ASIC4: variants seen among roughly 807,000 people sequenced by gnomAD.
ASIC4 encodes acid sensing ion channel subunit family member 4, also known as acid-sensing ion channel 4.
ASIC4 carries 28 observed loss-of-function variants against 53.4 expected under a neutral mutation model. The ratio of observed to expected loss-of-function variants is 0.52; its 90% CI spans 0.39 to 0.72. The LOEUF (loss-of-function observed/expected upper bound fraction) is 0.72. Among genes scored for constraint, ASIC4 ranks in the 30% least tolerant of loss-of-function variants. The pLI, the probability that ASIC4 is intolerant of heterozygous loss-of-function variation, is 0.00. For synonymous variants in ASIC4, 289 were observed against 301.4 expected (o/e 0.96, Z 0.43); for missense variants, 649 against 729.7 (o/e 0.89, Z 1.27).
chr2:219,533,184 G>T, intron 5 of ASIC4: 1 of 572,520 alleles, frequency 1.7e-6, no homozygotes, highest in Non-Finnish European at 3.1e-6. Flanking sequence ...TGGGAGTGAA[G>T]GTCTGGGCTT....
At chr2:219,529,055 G>A (rs757912640) in intron 1 of ASIC4, among the ~76,000 whole-genome samples, 2 of 152,184 alleles carry the variant, frequency 1.3e-5, no homozygotes, top group African/African-American at 2.4e-5. Context: ...AGATCCCCCT[G>A]ATTTGTGTGC....
rs751485733 is a variant in ASIC4 at position 219,537,474 on chromosome 2, CAG to C, written c.1402-155_1402-154del. ...TGACTGGCTGGCAGGCCTGAGGGCT[CAG>C]AGTCAGGAGAAGGGGATGGGTGAGG... On this transcript the variant is annotated intron_variant, in intron 8 of 9. Coordinates refer to ENST00000358078, the MANE Select transcript of ASIC4 (RefSeq NM_018674.6). The surrounding 1 kb of genome is among the most constrained non-coding windows in gnomAD (Gnocchi z 4.9). 1 of 1,099,696 alleles carries C rather than the reference CAG, an allele frequency of 9.1e-7. No individual in the cohort carries two copies. Among genetic ancestry groups the C allele is most frequent in the East Asian group, 2.6e-5 (1 of 38,624 alleles). 68.1% of individuals were successfully genotyped at this position (1,099,696 alleles called of 1,614,324 possible).
upstream of ASIC4, among the ~76,000 whole-genome samples, chr2:219,511,122 A>G (rs1694696193): frequency 1.3e-5 from 2 of 152,008 alleles, no homozygotes; most frequent in Admixed American, 1.3e-4. The surrounding 1 kb of genome is among the most constrained non-coding windows in gnomAD (Gnocchi z 5.3). Flanking sequence ...AGGGGGAGGG[A>G]GGCTGGGCAT....
chr2:219,531,401 A>AGCT (rs1695039234), intron 1 of ASIC4, among the ~76,000 whole-genome samples: 2 of 151,970 alleles, frequency 1.3e-5, no homozygotes, highest in South Asian at 4.2e-4. Context: ...TCCCAGGACT[A>AGCT]GCTGTTGGCT....
At chr2:219,523,093 T>C (rs1163850885) in intron 1 of ASIC4, among the ~76,000 whole-genome samples, 1 of 151,274 alleles carries the variant, frequency 6.6e-6, no homozygotes, top group Non-Finnish European at 1.5e-5. Flanking sequence ...CCGCCGCCTC[T>C]TTCTGTCTTG....
Position 219,537,041 on chromosome 2 carries a change from G to A in ASIC4, c.1230-25G>A, listed in dbSNP as rs2105982216. 6.2e-7 allele frequency: 1 copy of A among 1,607,172 alleles called. No individual in the cohort carries two copies. Among genetic ancestry groups the A allele is most frequent in the Admixed American group, 1.7e-5 (1 of 59,948 alleles). Reference sequence around the variant, plus strand: ...CTTCTCAGGAAGAGAGGCCCACACGGATACCCTGCTTCCTGTCTCCACAGG... The same window carrying A: ...CTTCTCAGGAAGAGAGGCCCACACGAATACCCTGCTTCCTGTCTCCACAGG... On this transcript the variant is annotated intron_variant, in intron 6 of 9. Coordinates refer to ENST00000358078, the MANE Select transcript of ASIC4 (RefSeq NM_018674.6). This position sits in a 1 kb window ranked among gnomAD's most constrained non-coding sequence, Gnocchi z 4.9.
rs1390279200 is a variant in ASIC4 at position 219,515,090 on chromosome 2, C to A, written c.366C>A (p.Arg122=). Residue 122 remains arginine, a synonymous_variant, in exon 1 of 10, where the codon CGC becomes CGA. Coordinates refer to ENST00000358078, the MANE Select transcript of ASIC4 (RefSeq NM_018674.6). ...CTGTCACCCTCTGCAATATCAACCG[C>A]TTCCGGCATTCGGCACTCAGCGATG... The part of the protein sequence containing the change: ...FPAVTLCNIN[R]FRHSALSDAD... The A allele has an allele frequency of 6.2e-7, 1 of 1,613,934 alleles. No homozygotes were observed. Among genetic ancestry groups the A allele is most frequent in the Admixed American group, 1.7e-5 (1 of 60,016 alleles).
Position 219,537,987 on chromosome 2 carries a change from C to T in ASIC4, c.1561C>T (p.Pro521Ser). 1 of 1,613,212 alleles carries T rather than the reference C, an allele frequency of 6.2e-7. No individual in the cohort carries two copies. Among genetic ancestry groups the T allele is most frequent in the South Asian group, 1.1e-5 (1 of 90,808 alleles). ...GGGTGGGGGGGTCAGCAGTCTGCTC[C>T]CCAATCACCACCACCCCCACGGTCC... is the stretch of plus-strand genomic sequence containing the variant. ...VEGGGVSSLL[P>S]NHHHPHGPPG... The change falls in exon 10 of 10, where the codon CCC (proline) becomes TCC (serine). Residue 521 changes from proline (P) to serine (S), a missense_variant. Coordinates refer to ENST00000358078, the MANE Select transcript of ASIC4 (RefSeq NM_018674.6). The surrounding 1 kb of genome is among the most constrained non-coding windows in gnomAD (Gnocchi z 4.9).
At chr2:219,534,741 C>T (rs1226271795) in intron 5 of ASIC4, among the ~76,000 whole-genome samples, 1 of 151,940 alleles carries the variant, frequency 6.6e-6, no homozygotes, top group African/African-American at 2.4e-5. Flanking sequence ...CTTCTGTTCG[C>T]CCATCCGTCG....
At chr2:219,535,036 T>C in intron 5 of ASIC4, 135 bp from the exon 6 acceptor site, 1 of 1,320,304 alleles carries the variant, frequency 7.6e-7, no homozygotes, top group Non-Finnish European at 1.0e-6. Context: ...TAGGAAGCAC[T>C]GGGGCTGGCC....
Position 219,516,325 on chromosome 2 carries a change from G to A in ASIC4, c.582+1019G>A, listed in dbSNP as rs993188161. On this transcript the variant is annotated intron_variant, in intron 1 of 9. Coordinates refer to ENST00000358078, the MANE Select transcript of ASIC4 (RefSeq NM_018674.6). This position sits in a 1 kb window ranked among gnomAD's most constrained non-coding sequence, Gnocchi z 4.9. ...TGCTCCCCATTTGGAGACTGCTGGCGCCATCTGTCACCTACGTGTGAGCAC... is the reference window on the plus strand; with the variant it reads ...TGCTCCCCATTTGGAGACTGCTGGCACCATCTGTCACCTACGTGTGAGCAC... Among the ~76,000 whole-genome samples, 9 of 152,232 alleles carry A rather than the reference G, an allele frequency of 5.9e-5. No homozygotes were observed. The highest frequency in any genetic ancestry group is 2.1e-4 in the South Asian group (1 of 4,814).
upstream of ASIC4, chr2:219,514,153 A>G: frequency 1.5e-6 from 1 of 663,794 alleles, no homozygotes; most frequent in Admixed American, 3.3e-5. Flanking sequence ...GTGGCCAGGA[A>G]GTGGGGAGAT....
rs1381420445 is a variant in ASIC4 at position 219,537,792 on chromosome 2, T to C, written c.1506+56T>C. 6.4e-7 allele frequency: 1 copy of C among 1,552,144 alleles called. No individual in the cohort carries two copies. The highest frequency in any genetic ancestry group is 8.8e-7 in the Non-Finnish European group (1 of 1,138,242). ...GCAGCCACACCTCCCCAGGACTGAA[T>C]ACATCCATTGTTTCTGAACCAGCCT... is the stretch of plus-strand genomic sequence containing the variant. On this transcript the variant is annotated intron_variant, in intron 9 of 9. Coordinates refer to ENST00000358078, the MANE Select transcript of ASIC4 (RefSeq NM_018674.6). The surrounding 1 kb of genome is among the most constrained non-coding windows in gnomAD (Gnocchi z 4.9).
chr2:219,513,038 G>A (rs145665274), upstream of ASIC4, among the ~76,000 whole-genome samples: 269 of 152,328 alleles, frequency 1.8e-3, 1 homozygote, highest in African/African-American at 6.0e-3. Flanking sequence ...CAGGCCTGAC[G>A]CAGGGGGCGG....
chr2:219,535,023 C>A, intron 5 of ASIC4, 148 bp from the exon 6 acceptor site: 1 of 1,228,204 alleles, frequency 8.1e-7, no homozygotes, highest in East Asian at 2.4e-5. Flanking sequence ...AGCCAGTCCC[C>A]TCTAGGAAGC....
chr2:219,508,825 G>A, the ASIC4 span, among the ~76,000 whole-genome samples: 2 of 150,720 alleles, frequency 1.3e-5, no homozygotes, highest in South Asian at 2.1e-4. Flanking sequence ...AGCGGGGGAG[G>A]GATGCGGGGG....
At chr2:219,529,824 G>A (rs980734137) in intron 1 of ASIC4, among the ~76,000 whole-genome samples, 5 of 152,020 alleles carry the variant, frequency 3.3e-5, no homozygotes, top group South Asian at 2.1e-4. Flanking sequence ...TTTTTGTTTC[G>A]GGAACGGGAG....
At chr2:219,533,703 G>C (rs1433306654) in intron 5 of ASIC4, 1 of 153,112 alleles carries the variant, frequency 6.5e-6, no homozygotes, top group African/African-American at 2.4e-5. Context: ...GGTCTGTGTG[G>C]CTGCAGGGCA....
upstream of ASIC4, among the ~76,000 whole-genome samples, chr2:219,510,072 C>T (rs961348544): frequency 1.3e-5 from 2 of 151,956 alleles, no homozygotes; most frequent in African/African-American, 4.8e-5. The surrounding 1 kb of genome is among the most constrained non-coding windows in gnomAD (Gnocchi z 5.2). Context: ...GGAATTCCTT[C>T]TCTCCTCTCC....
Sources: allele counts gnomAD v4.1 joint callset (sites outside exome capture counted in the v4.1 genomes callset), GRCh38; gene constraint gnomAD v4.1.1; non-coding constraint Gnocchi (gnomAD v3.1); transcripts MANE v1.5; gene names NCBI Gene and HGNC (gene_info 2026-07-23, HGNC 2026-07-21).